Variants in ZBTB32 observed in about 807,000 individuals in gnomAD.
ZBTB32 encodes zinc finger and BTB domain containing 32, also known as zinc finger and BTB domain-containing protein 32.
Under a neutral mutation model 45.3 loss-of-function variants are expected in ZBTB32, and 28 were observed. That is an observed-to-expected ratio of 0.62 (90% confidence interval 0.46 to 0.85). The LOEUF (loss-of-function observed/expected upper bound fraction) is 0.85, where lower values mean the gene tolerates loss of function less well. Ranked by LOEUF, ZBTB32 falls within the 40% of genes least tolerant of loss-of-function variation. The probability of loss-of-function intolerance (pLI) is 0.00; values close to 1 mark genes in which losing one functional copy is unlikely to be tolerated. For missense variants in ZBTB32, 587 were observed against 624.4 expected (o/e 0.94, Z 0.64); for synonymous variants, 283 against 255.7 (o/e 1.11, Z -1.02).
intron 1 of ZBTB32, among the ~76,000 whole-genome samples, chr19:35,708,484 T>C (rs1968604003): frequency 6.6e-6 from 1 of 152,262 alleles, no homozygotes; most frequent in Non-Finnish European, 1.5e-5. Context: ...TATTCTGTAC[T>C]GGTCTTGAAA....
Position 35,716,589 on chromosome 19 carries a change from G to A in ZBTB32, c.1301G>A (p.Gly434Glu). 6.2e-7 allele frequency: 1 copy of A among 1,613,160 alleles called. No individual in the cohort carries two copies. The highest frequency in any genetic ancestry group is 8.5e-7 in the Non-Finnish European group (1 of 1,179,920). Reference protein sequence around the residue: ...GAAPYRCSLCGAGCPSLASMQ... With the variant: ...GAAPYRCSLCEAGCPSLASMQ... ...GCTCCGTACCGCTGCTCCCTGTGCG[G>A]GGCCGGCTGTCCCAGCCTGGCCTCC... The change falls in exon 7 of 7, where the codon GGG (glycine) becomes GAG (glutamate). Residue 434 changes from glycine (G) to glutamate (E), a missense_variant. Gly to Glu is a moderately conservative substitution (Grantham distance 98). Transcript: ENST00000392197.
At chr19:35,711,040 A>G (rs2146413670) in intron 1 of ZBTB32, among the ~76,000 whole-genome samples, 1 of 152,182 alleles carries the variant, frequency 6.6e-6, no homozygotes, top group South Asian at 2.1e-4. Flanking sequence ...CCTCCCTTTT[A>G]GGTTCCCCGA....
intron 1 of ZBTB32, among the ~76,000 whole-genome samples, chr19:35,711,049 G>A (rs987926185): frequency 2.0e-5 from 3 of 152,128 alleles, no homozygotes; most frequent in African/African-American, 7.2e-5. Flanking sequence ...TAGGTTCCCC[G>A]AAAGCCCACT....
intron 1 of ZBTB32, 39 bp downstream of exon 1, chr19:35,704,662 T>G (rs1428123056): frequency 6.6e-6 from 1 of 152,430 alleles, no homozygotes; most frequent in Non-Finnish European, 1.5e-5. Context: ...TTTCTTGGGC[T>G]TGGGCCCGGC....
chr19:35,704,970 C>G (rs1047763686), intron 1 of ZBTB32, among the ~76,000 whole-genome samples: 1 of 152,178 alleles, frequency 6.6e-6, no homozygotes, highest in African/African-American at 2.4e-5. Flanking sequence ...CTGGACTGAG[C>G]CTGGATCCGG....
At chr19:35,716,110 C>T (rs751248060) in intron 5 of ZBTB32, 23 bp from the exon 6 acceptor site, 3 of 1,612,862 alleles carry the variant, frequency 1.9e-6, no homozygotes, top group Non-Finnish European at 2.5e-6. Flanking sequence ...CCCTGCCCTC[C>T]TTTGCCTTCT....
In ZBTB32 at chr19:35,715,284, G is replaced by A. The variant is rs373706432; in HGVS notation, c.658G>A (p.Gly220Arg). The A allele has an allele frequency of 1.0e-5, 16 of 1,583,588 alleles. No homozygotes were observed. The East Asian group carries it at 3.4e-4, about 33-fold the overall frequency. ...GVLTWLRENPGGSEESLRKLP... is the reference protein window; with the variant it reads ...GVLTWLRENPRGSEESLRKLP... ...GCTCACGTGGTTGAGGGAAAATCCAGGGGGCTCTGAGGAAAGTCTGCGCAA... is the reference window on the plus strand; with the variant it reads ...GCTCACGTGGTTGAGGGAAAATCCAAGGGGCTCTGAGGAAAGTCTGCGCAA... The change falls in exon 3 of 7, where the codon GGG becomes AGG. Residue 220 changes from glycine (G) to arginine (R), a missense_variant. Physicochemically the swap from Gly to Arg is moderately radical, Grantham distance 125. Coordinates refer to ENST00000392197, the MANE Select transcript of ZBTB32 (RefSeq NM_014383.3).
At chr19:35,712,324 T>C (rs1279089081) in intron 1 of ZBTB32, among the ~76,000 whole-genome samples, 1 of 152,100 alleles carries the variant, frequency 6.6e-6, no homozygotes, top group Non-Finnish European at 1.5e-5. Flanking sequence ...TAGCTAGGCA[T>C]GGTGGCTCAA....
intron 2 of ZBTB32, among the ~76,000 whole-genome samples, chr19:35,713,841 C>T (rs1029341660): frequency 3.1e-4 from 47 of 152,242 alleles, no homozygotes; most frequent in African/African-American, 1.1e-3. Context: ...CCTTTCCTCC[C>T]ATCTCCTCAG....
chr19:35,705,962 C>A (rs1794476928), intron 1 of ZBTB32, among the ~76,000 whole-genome samples: 2 of 149,876 alleles, frequency 1.3e-5, no homozygotes, highest in African/African-American at 4.9e-5. Flanking sequence ...GGCGTGGGGG[C>A]TCACATCTAT....
chr19:35,707,195 TAAAAAAAAAA>T (rs537947581), intron 1 of ZBTB32, among the ~76,000 whole-genome samples: 52 of 105,942 alleles, frequency 4.9e-4, no homozygotes, highest in Non-Finnish European at 8.4e-4. Flanking sequence ...ACTGTGTCTC[TAAAAAAAAAA>T]AAAAAAAAAA....
rs1174603840 is a variant in ZBTB32, at chr19:35,716,736, C to T, written c.1448C>T (p.Ser483Phe). 6.2e-7 allele frequency: 1 copy of T among 1,606,342 alleles called. No individual in the cohort carries two copies. The highest frequency in any genetic ancestry group is 1.3e-5 in the African/African-American group (1 of 74,912). ...CCCTCGACCTCTCCCTGTTGTCCTT[C>T]TTCCTCCACCACCTGACGGGGTGTC... is the stretch of plus-strand genomic sequence containing the variant. The part of the protein sequence containing the change: ...SRPSTSPCCP[S>F]SSTT Residue 483 changes from serine to phenylalanine, a missense_variant, in exon 7 of 7, where the codon TCT becomes TTT. By Grantham distance (155) the Ser-to-Phe change is radical. Transcript: ENST00000392197.
intron 1 of ZBTB32, among the ~76,000 whole-genome samples, chr19:35,707,195 T>TAA (rs537947581): frequency 4.7e-5 from 5 of 105,926 alleles, no homozygotes; most frequent in Admixed American, 4.2e-4. Flanking sequence ...ACTGTGTCTC[T>TAA]AAAAAAAAAA....
chr19:35,716,913 C>G lies in ZBTB32; in HGVS notation c.*161C>G, dbSNP rs754631680. 67 of 794,854 alleles carry G rather than the reference C, an allele frequency of 8.4e-5. No individual in the cohort carries two copies. The highest frequency in any genetic ancestry group is 1.3e-4 in the Non-Finnish European group (67 of 512,012). 49.2% of individuals were successfully genotyped at this position (794,854 alleles called of 1,614,324 possible). On this transcript the variant is annotated 3_prime_UTR_variant, in exon 7 of 7. Coordinates refer to ENST00000392197, the MANE Select transcript of ZBTB32 (RefSeq NM_014383.3). ...TGCCCTCTCCTGGACGATCGCGGGT[C>G]GCAGAAGCCCAGGCCAGCGAGCCCT...
chr19:35,715,422 C>T lies in ZBTB32; in HGVS notation c.796C>T (p.Leu266=), dbSNP rs1968841714. Residue 266 remains leucine (L), a synonymous_variant, in exon 3 of 7, where the codon CTG becomes TTG. Transcript: ENST00000392197. ...VGGQPALWSI[L]LMPPRYGIPF... is the part of the protein sequence containing the mutation. ...GGGCCAGCCTGCCCTGTGGAGCATCCTGCTGATGCCGCCCAGATATGGCAT... is the reference window on the plus strand; with the variant it reads ...GGGCCAGCCTGCCCTGTGGAGCATCTTGCTGATGCCGCCCAGATATGGCAT... 2.5e-6 allele frequency: 4 copies of T among 1,599,622 alleles called. No homozygotes were observed. The Admixed American group carries it at 5.4e-5, about 22-fold the overall frequency.
In ZBTB32 at chr19:35,714,634, T is replaced by C. The variant is rs1210152893; in HGVS notation, c.8T>C (p.Leu3Pro). 2.6e-6 allele frequency: 4 copies of C among 1,535,976 alleles called. No homozygotes were observed. Among genetic ancestry groups the C allele is most frequent in the African/African-American group, 1.4e-5 (1 of 72,698 alleles). Residue 3 changes from leucine (L) to proline (P), a missense_variant, in exon 3 of 7, where the codon CTG becomes CCG. By Grantham distance (98) the Leu-to-Pro change is moderately conservative. Coordinates refer to ENST00000392197, the MANE Select transcript of ZBTB32 (RefSeq NM_014383.3). MS[L>P]PPIRLPSPYG... is the part of the protein sequence containing the mutation. ...TACCCAAGCCAAGGCACAATGTCCC[T>C]GCCCCCCATAAGACTGCCCAGCCCC... is the stretch of plus-strand genomic sequence containing the variant.
At chr19:35,707,632 T>G (rs1253163794) in intron 1 of ZBTB32, among the ~76,000 whole-genome samples, 1 of 151,990 alleles carries the variant, frequency 6.6e-6, no homozygotes, top group Admixed American at 6.5e-5. Context: ...CCTCCCAAAG[T>G]GCTGGGATTA....
rs758627436 is a variant in ZBTB32 at position 35,714,749 on chromosome 19, C to T, written c.123C>T (p.Pro41=). ...TLITVGSQEF[P]AHSLVLAGVS... ...TCACCGTAGGGAGCCAGGAGTTCCCCGCCCACAGCCTGGTGCTAGCAGGTG... is the reference window on the plus strand; with the variant it reads ...TCACCGTAGGGAGCCAGGAGTTCCCTGCCCACAGCCTGGTGCTAGCAGGTG... Residue 41 remains proline, a synonymous_variant, in exon 3 of 7, where the codon CCC becomes CCT. Transcript: ENST00000392197. 6.2e-6 allele frequency: 10 copies of T among 1,614,030 alleles called. No individual in the cohort carries two copies. The highest frequency in any genetic ancestry group is 5.0e-5 in the Admixed American group (3 of 60,004).
Position 35,715,839 on chromosome 19 carries a change from C to T in ZBTB32, c.955+9C>T. 6.2e-7 allele frequency: 1 copy of T among 1,613,632 alleles called. No individual in the cohort carries two copies. The highest frequency in any genetic ancestry group is 8.5e-7 in the Non-Finnish European group (1 of 1,179,754). On this transcript the variant is annotated intron_variant, in intron 4 of 6. Coordinates refer to ENST00000392197, the MANE Select transcript of ZBTB32 (RefSeq NM_014383.3). ...CTCCAGCCCTACCCCAGGTAAGCCC[C>T]TCGCTGTCCTGCATACACCTGTAAC... is the stretch of plus-strand genomic sequence containing the variant.
Sources: gnomAD v4.1 joint callset for allele counts (sites outside exome capture counted in the v4.1 genomes callset) on GRCh38, gnomAD v4.1.1 for gene constraint, MANE v1.5 for transcripts, NCBI Gene and HGNC (gene_info 2026-07-23, HGNC 2026-07-21) for gene names.